ANKRD46: variants seen among roughly 807,000 people sequenced by gnomAD.
ANKRD46 encodes ankyrin repeat domain 46.
A neutral mutation model predicts 19.8 loss-of-function variants in ANKRD46; 13 were observed. The ratio of observed to expected loss-of-function variants is 0.66; its 90% CI spans 0.43 to 1.04. The LOEUF (loss-of-function observed/expected upper bound fraction) is 1.04, where lower values mean the gene tolerates loss of function less well. Ranked by LOEUF, ANKRD46 falls within the 50% of genes least tolerant of loss-of-function variation. The pLI is 0.00. For synonymous variants in ANKRD46, 91 were observed against 106.9 expected (o/e 0.85, Z 0.92); for missense variants, 185 against 274.8 (o/e 0.67, Z 2.31).
Position 100,550,553 on chromosome 8 carries a change from A to T in ANKRD46, c.-131+9158T>A. ...TTTTTTTTTTTTTTGAGTACAGAGGACTTTATTGATGGTACACGACAAGAT... is the reference window on the plus strand; with the variant it reads ...TTTTTTTTTTTTTTGAGTACAGAGGTCTTTATTGATGGTACACGACAAGAT... On this transcript the variant is annotated intron_variant, in intron 1 of 4. Coordinates refer to ENST00000335659, the MANE Select transcript of ANKRD46 (RefSeq NM_001270377.2). This position sits in a 1 kb window ranked among gnomAD's most constrained non-coding sequence, Gnocchi z 4.4. 1 of 144,620 alleles carries T rather than the reference A, an allele frequency of 6.9e-6. No homozygotes were observed. Among genetic ancestry groups the T allele is most frequent in the Non-Finnish European group, 1.5e-5 (1 of 68,324 alleles). The allele number at this position is 144,620 out of a possible 1,614,324, so 9.0% of individuals were successfully genotyped here. A position where few individuals can be genotyped will look rare whatever the true frequency, so the allele number is the denominator to read the frequency against.
chr8:100,553,939 T>A (rs1452679268), intron 1 of ANKRD46, among the ~76,000 whole-genome samples: 9 of 152,220 alleles, frequency 5.9e-5, no homozygotes, highest in Non-Finnish European at 1.3e-4. Flanking sequence ...TGCTCTTGCA[T>A]TTGTTTCTGA....
At chr8:100,530,150 T>C (rs952462652) in intron 2 of ANKRD46, among the ~76,000 whole-genome samples, 3 of 152,234 alleles carry the variant, frequency 2.0e-5, no homozygotes, top group African/African-American at 7.2e-5. Flanking sequence ...CAAGACATAA[T>C]AGCTTAGATT....
At chr8:100,549,731 C>G (rs1322478511) in intron 1 of ANKRD46, among the ~76,000 whole-genome samples, 3 of 152,168 alleles carry the variant, frequency 2.0e-5, no homozygotes, top group African/African-American at 7.2e-5. Flanking sequence ...CATTAGGGTT[C>G]ACTCTTGGTG....
At position 100,522,352 on chromosome 8, in the gene ANKRD46, G is replaced by A. The variant is rs2130640942; in HGVS notation, c.*203C>T. 6 of 1,389,886 alleles carry A rather than the reference G, an allele frequency of 4.3e-6. No individual in the cohort carries two copies. Among genetic ancestry groups the A allele is most frequent in the South Asian group, 1.6e-5 (1 of 62,058 alleles). The allele number at this position is 1,389,886 out of a possible 1,614,324, so 86.1% of individuals were successfully genotyped here. On this transcript the variant is annotated 3_prime_UTR_variant, in exon 5 of 5. Coordinates refer to ENST00000335659, the MANE Select transcript of ANKRD46 (RefSeq NM_001270377.2). ...AAAGTCAGGTTGAGTCAGAGGTAGC[G>A]TTAGGATGCAATATACTTGATCATA...
chr8:100,517,237 G>A (rs1811649229), downstream of ANKRD46, among the ~76,000 whole-genome samples: 1 of 152,164 alleles, frequency 6.6e-6, no homozygotes, highest in South Asian at 2.1e-4. Flanking sequence ...CAACAGTGTG[G>A]TCCCAAAGAA....
intron 1 of ANKRD46, chr8:100,551,198 G>T: frequency 2.2e-6 from 1 of 445,356 alleles, no homozygotes; most frequent in Non-Finnish European, 4.2e-6. Flanking sequence ...GTGGTCACAA[G>T]TCCTTCCACA....
chr8:100,522,260 C>T lies in ANKRD46; in HGVS notation c.*295G>A. On this transcript the variant is annotated 3_prime_UTR_variant, in exon 5 of 5. Coordinates refer to ENST00000335659, the MANE Select transcript of ANKRD46 (RefSeq NM_001270377.2). Reference sequence around the variant, plus strand: ...ATAGCAAGGACTTCCTAGCTTCTTCCTTTATCTTCCATTCTCTAGTCACTT... The same window carrying T: ...ATAGCAAGGACTTCCTAGCTTCTTCTTTTATCTTCCATTCTCTAGTCACTT... 8.6e-7 allele frequency: 1 copy of T among 1,161,490 alleles called. No homozygotes were observed. Among genetic ancestry groups the T allele is most frequent in the Non-Finnish European group, 1.1e-6 (1 of 938,858 alleles). The allele number at this position is 1,161,490 out of a possible 1,614,324, so 71.9% of individuals were successfully genotyped here.
chr8:100,541,260 G>T (rs1170177589), intron 1 of ANKRD46, among the ~76,000 whole-genome samples: 1 of 151,662 alleles, frequency 6.6e-6, no homozygotes. Context: ...CTACTTAAAT[G>T]GCATTCTAAC....
At chr8:100,518,980 A>G (rs1172369482), downstream of ANKRD46, among the ~76,000 whole-genome samples, 1 of 152,254 alleles carries the variant, frequency 6.6e-6, no homozygotes, top group East Asian at 1.9e-4. Flanking sequence ...ACGAATGTCC[A>G]GCAGAACATT....
At chr8:100,528,047 C>T in intron 3 of ANKRD46, 44 bp from the exon 4 acceptor site, 12 of 1,474,988 alleles carry the variant, frequency 8.1e-6, no homozygotes, top group South Asian at 4.2e-5. Context: ...AATAAAGAAG[C>T]CATCATAGCA....
chr8:100,518,777 G>C (rs182055605), downstream of ANKRD46, among the ~76,000 whole-genome samples: 1 of 151,896 alleles, frequency 6.6e-6, no homozygotes, highest in Non-Finnish European at 1.5e-5. Context: ...GCGTGAACCC[G>C]GGAGGCAGAG....
chr8:100,514,611 C>CTT (rs1563922826), intron 5 of ANKRD46, among the ~76,000 whole-genome samples: 5 of 76,030 alleles, frequency 6.6e-5, no homozygotes, highest in African/African-American at 3.0e-4. Flanking sequence ...GTTATTCCTC[C>CTT]ATCTTCTTTT....
Position 100,527,825 on chromosome 8 carries a change from A to G in ANKRD46, c.470+20T>C, listed in dbSNP as rs757389461. On this transcript the variant is annotated intron_variant, in intron 4 of 4. Transcript: ENST00000335659. The surrounding 1 kb of genome is among the most constrained non-coding windows in gnomAD (Gnocchi z 4.0). ...GGAATGAGTAATACAGTGAGAAAAAAAAAGTTGTATCTCCAGTACCTTTCA... is the reference window on the plus strand; with the variant it reads ...GGAATGAGTAATACAGTGAGAAAAAGAAAGTTGTATCTCCAGTACCTTTCA... 7.5e-6 allele frequency: 12 copies of G among 1,607,268 alleles called. No homozygotes were observed. The South Asian group carries it at 1.3e-4, about 18-fold the overall frequency.
At chr8:100,519,699 T>C (rs1156829967), downstream of ANKRD46, among the ~76,000 whole-genome samples, 1 of 152,042 alleles carries the variant, frequency 6.6e-6, no homozygotes, top group Admixed American at 6.6e-5. Context: ...CTACACGAAG[T>C]GGTAAACCTG....
chr8:100,511,626 ACTGT>A lies in ANKRD46; in HGVS notation c.637-991_637-988del, dbSNP rs781059073. On this transcript the variant is annotated intron_variant, in intron 5 of 5. Coordinates refer to the ANKRD46 transcript ENST00000520552. The surrounding 1 kb of genome is among the most constrained non-coding windows in gnomAD (Gnocchi z 4.1). ...AAAAGGTTGACATTGAAATAAGTTG[ACTGT>A]CTGTATTTATTCCATGGCTGGGAAT... Among the ~76,000 whole-genome samples the A allele has an allele frequency of 2.6e-4, 40 of 152,376 alleles. No homozygotes were observed. The highest frequency in any genetic ancestry group is 5.8e-4 in the African/African-American group (24 of 41,600).
chr8:100,528,517 CTTTTTTTT>C (rs775087189), intron 3 of ANKRD46, among the ~76,000 whole-genome samples: 1 of 126,408 alleles, frequency 7.9e-6, no homozygotes, highest in Non-Finnish European at 1.7e-5. Flanking sequence ...CCTTGTTTTT[CTTTTTTTT>C]TTTTTTTTTA....
At position 100,551,592 on chromosome 8, in the gene ANKRD46, T is replaced by C. The variant is rs150314048; in HGVS notation, c.-131+8119A>G. 57 of 738,674 alleles carry C rather than the reference T, an allele frequency of 7.7e-5. No individual in the cohort carries two copies. The African/African-American group carries it at 8.0e-4, about 10-fold the overall frequency. 45.8% of individuals were successfully genotyped at this position (738,674 alleles called of 1,614,324 possible). A position where few individuals can be genotyped will look rare whatever the true frequency, so the allele number is the denominator to read the frequency against. On this transcript the variant is annotated intron_variant, in intron 1 of 4. Coordinates refer to ENST00000335659, the MANE Select transcript of ANKRD46 (RefSeq NM_001270377.2). ...ATACTGGAACATGCAGACCATGTAGTTGAGGTCAATGAAGGGTCATTGATG... is the reference window on the plus strand; with the variant it reads ...ATACTGGAACATGCAGACCATGTAGCTGAGGTCAATGAAGGGTCATTGATG...
intron 1 of ANKRD46, among the ~76,000 whole-genome samples, chr8:100,555,260 G>C (rs1288701747): frequency 6.7e-6 from 1 of 148,858 alleles, no homozygotes; most frequent in South Asian, 2.1e-4. Context: ...ATTTTTAAAG[G>C]ATAAAAAAAA....
At position 100,522,270 on chromosome 8, in the gene ANKRD46, C is replaced by G. The variant is rs1811739045; in HGVS notation, c.*285G>C. On this transcript the variant is annotated 3_prime_UTR_variant, in exon 5 of 5. Transcript: ENST00000335659. Reference sequence around the variant, plus strand: ...CTTCCTAGCTTCTTCCTTTATCTTCCATTCTCTAGTCACTTCCGTGTTTTT... The same window carrying G: ...CTTCCTAGCTTCTTCCTTTATCTTCGATTCTCTAGTCACTTCCGTGTTTTT... 1 of 1,182,326 alleles carries G rather than the reference C, an allele frequency of 8.5e-7. No homozygotes were observed. The highest frequency in any genetic ancestry group is 2.7e-5 in the South Asian group (1 of 37,574). The allele number at this position is 1,182,326 out of a possible 1,614,324, so 73.2% of individuals were successfully genotyped here.
Sources: allele counts gnomAD v4.1 joint callset (sites outside exome capture counted in the v4.1 genomes callset), GRCh38; gene constraint gnomAD v4.1.1; non-coding constraint Gnocchi (gnomAD v3.1); transcripts MANE v1.5; gene names NCBI Gene and HGNC (gene_info 2026-07-23, HGNC 2026-07-21).